Variants in MYO9A observed in about 807,000 individuals in gnomAD.
The protein encoded by MYO9A is myosin IXA.
A neutral mutation model predicts 293.3 loss-of-function variants in MYO9A; 103 were observed. The observed-to-expected ratio is 0.35, with a 90% CI of 0.30 to 0.41. MYO9A has a LOEUF of 0.41. Among genes scored for constraint, MYO9A ranks in the 10% least tolerant of loss-of-function variants. MYO9A has a pLI of 1.00. For synonymous variants in MYO9A, 1,001 were observed against 1,035.7 expected, an observed-to-expected ratio of 0.97 and a Z score of 0.64; for missense variants, 2,685 against 3,033.0, an observed-to-expected ratio of 0.89 and a Z score of 2.69.
At chr15:71,974,183 A>T (rs796456257) in intron 12 of MYO9A, among the ~76,000 whole-genome samples, 6 of 152,330 alleles carry the variant, frequency 3.9e-5, no homozygotes, top group African/African-American at 1.4e-4. Context: ...AGAACGAGAA[A>T]CACATTGTAC....
chr15:71,987,397 A>C (rs1334261679), intron 11 of MYO9A, among the ~76,000 whole-genome samples: 1 of 152,198 alleles, frequency 6.6e-6, no homozygotes, highest in African/African-American at 2.4e-5. Context: ...AAAAATTCTA[A>C]TCTTCCCTGC....
At chr15:72,069,642 T>A (rs1382910243) in intron 1 of MYO9A, among the ~76,000 whole-genome samples, 1 of 152,172 alleles carries the variant, frequency 6.6e-6, no homozygotes, top group Non-Finnish European at 1.5e-5. Context: ...AAGATAGTGA[T>A]AGAAGGTAGA....
chr15:72,074,950 CCT>C (rs1491431370), intron 1 of MYO9A, among the ~76,000 whole-genome samples: 4 of 71,666 alleles, frequency 5.6e-5, no homozygotes, highest in African/African-American at 2.0e-4. Flanking sequence ...ATTTTCACTG[CCT>C]TTTTTTTTTT....
In MYO9A at chr15:71,921,809, T is replaced by C. The variant is rs757067822; in HGVS notation, c.2563-5317A>G. The stretch of plus-strand genomic sequence containing the variant: ...AACAAAATAAGCTGCACGTATTTAA[T>C]GTATACACTATAAGTTATGACATAT... On this transcript the variant is annotated intron_variant, in intron 18 of 41. Coordinates refer to ENST00000356056, the MANE Select transcript of MYO9A (RefSeq NM_006901.4). Among the ~76,000 whole-genome samples, 105 of 152,210 alleles carry C rather than the reference T, an allele frequency of 6.9e-4. 2 individuals are homozygous for C. The highest frequency in any genetic ancestry group is 3.1e-4 in the Non-Finnish European group (21 of 68,040).
rs746750873 is a variant in MYO9A at position 71,828,028 on chromosome 15, T to C, written c.7041-2A>G. The C allele has an allele frequency of 6.2e-7, 1 of 1,609,606 alleles. No homozygotes were observed. Among genetic ancestry groups the C allele is most frequent in the African/African-American group, 1.3e-5 (1 of 74,608 alleles). ...AGCATCTCAAATGTTAGCTCCTCCCTGTAAGACACAATCAAGAAACCATTA... is the reference window on the plus strand; with the variant it reads ...AGCATCTCAAATGTTAGCTCCTCCCCGTAAGACACAATCAAGAAACCATTA... On this transcript the variant is annotated splice_acceptor_variant, in intron 40 of 41. Coordinates refer to ENST00000356056, the MANE Select transcript of MYO9A (RefSeq NM_006901.4). LOFTEE classifies it high-confidence loss of function.
chr15:71,981,442 A>T (rs1468635250), intron 11 of MYO9A, among the ~76,000 whole-genome samples: 1 of 152,210 alleles, frequency 6.6e-6, no homozygotes, highest in Non-Finnish European at 1.5e-5. Context: ...TAAATTACAT[A>T]TTCAATGTCA....
intron 11 of MYO9A, among the ~76,000 whole-genome samples, chr15:71,982,690 T>A (rs2076306099): frequency 6.6e-6 from 1 of 152,256 alleles, no homozygotes; most frequent in Non-Finnish European, 1.5e-5. Context: ...ATATTTTAAA[T>A]CTTCTGTATC....
At chr15:72,089,462 G>A (rs1387775412) in intron 1 of MYO9A, among the ~76,000 whole-genome samples, 1 of 152,084 alleles carries the variant, frequency 6.6e-6, no homozygotes, top group African/African-American at 2.4e-5. Context: ...GTGCCCGGCA[G>A]GATGGGTCAT....
intron 1 of MYO9A, among the ~76,000 whole-genome samples, chr15:72,112,858 T>C (rs2080831121): frequency 6.6e-6 from 1 of 152,230 alleles, no homozygotes. Context: ...TTAGTTACAC[T>C]GGTATGTTCT....
intron 4 of MYO9A, among the ~76,000 whole-genome samples, chr15:72,023,864 G>A (rs2077582581): frequency 6.6e-6 from 1 of 152,048 alleles, no homozygotes; most frequent in Non-Finnish European, 1.5e-5. Context: ...ATGAACTCTA[G>A]AGAGTATAAA....
intron 39 of MYO9A, among the ~76,000 whole-genome samples, chr15:71,841,931 G>C (rs985381983): frequency 1.3e-5 from 2 of 151,710 alleles, no homozygotes; most frequent in Non-Finnish European, 2.9e-5. Flanking sequence ...TTTTAACCTA[G>C]GATTTTTGAA....
intron 28 of MYO9A, among the ~76,000 whole-genome samples, chr15:71,883,051 A>G (rs2056920108): frequency 6.6e-6 from 1 of 152,036 alleles, no homozygotes; most frequent in Non-Finnish European, 1.5e-5. Flanking sequence ...TGATCTGCCC[A>G]CCTCAGCCTC....
rs2057023508 is a variant in MYO9A at position 71,886,462 on chromosome 15, T to C, written c.5255+1542A>G. 2.0e-5 allele frequency among the ~76,000 whole-genome samples: 3 copies of C among 152,214 alleles called. No individual in the cohort carries two copies. In the South Asian group the frequency reaches 6.2e-4, roughly 32 times the overall value. On this transcript the variant is annotated intron_variant, in intron 27 of 41. Coordinates refer to ENST00000356056, the MANE Select transcript of MYO9A (RefSeq NM_006901.4). ...TTAACATTCTGTATATAAACAGTCATTAAATCCCTATGTTCCAAATATGTG... is the reference window on the plus strand; with the variant it reads ...TTAACATTCTGTATATAAACAGTCACTAAATCCCTATGTTCCAAATATGTG...
At chr15:71,895,074 C>T (rs933085772) in intron 25 of MYO9A, among the ~76,000 whole-genome samples, 1 of 152,100 alleles carries the variant, frequency 6.6e-6, no homozygotes, top group African/African-American at 2.4e-5. Context: ...TGCAATAAGC[C>T]CGAAACAAAC....
intron 19 of MYO9A, among the ~76,000 whole-genome samples, chr15:71,907,908 G>A (rs564157760): frequency 1.3e-5 from 2 of 152,306 alleles, no homozygotes; most frequent in South Asian, 2.1e-4. Context: ...TGTTCACTCT[G>A]ATGGTAGTTT....
Position 71,852,081 on chromosome 15 carries a change from T to C in MYO9A, c.6475+51A>G, listed in dbSNP as rs1321405966. The C allele has an allele frequency of 1.9e-6, 3 of 1,539,646 alleles. No homozygotes were observed. In the African/African-American group the frequency reaches 4.1e-5, roughly 21 times the overall value. ...TTGATAATCTATACTCAAGATGGCA[T>C]TTCTTTCCCAACTATAGGCCTTCTC... On this transcript the variant is annotated intron_variant, in intron 36 of 41. Transcript: ENST00000356056.
intron 1 of MYO9A, among the ~76,000 whole-genome samples, chr15:72,087,413 T>C (rs188819663): frequency 6.8e-4 from 104 of 152,344 alleles, no homozygotes; most frequent in African/African-American, 2.5e-3. Context: ...TCAAGTGTGC[T>C]TGAGAATCAA....
At chr15:72,093,569 G>T (rs550406656) in intron 1 of MYO9A, among the ~76,000 whole-genome samples, 59 of 151,540 alleles carry the variant, frequency 3.9e-4, no homozygotes, top group African/African-American at 1.4e-3. Flanking sequence ...TTCTAAAATT[G>T]TAAAACACAA....
At chr15:71,946,807 T>C (rs956656715) in intron 15 of MYO9A, among the ~76,000 whole-genome samples, 2 of 152,190 alleles carry the variant, frequency 1.3e-5, no homozygotes, top group African/African-American at 4.8e-5. Flanking sequence ...TCAACTTCAT[T>C]GTTCTTTTCA....
Sources: allele counts gnomAD v4.1 joint callset (sites outside exome capture counted in the v4.1 genomes callset), GRCh38; gene constraint gnomAD v4.1.1; transcripts MANE v1.5; gene names NCBI Gene and HGNC (gene_info 2026-07-23, HGNC 2026-07-21).